The following RYR3 variants were observed in gnomAD, a reference collection of about 807,000 sequenced individuals.
RYR3 encodes the protein ryanodine receptor 3, also known as brain ryanodine receptor-calcium release channel.
A neutral mutation model predicts 584.3 loss-of-function variants in RYR3; 207 were observed. The observed-to-expected ratio is 0.35, with a 90% CI of 0.32 to 0.40. The LOEUF (loss-of-function observed/expected upper bound fraction) is 0.40. Among genes scored for constraint, RYR3 ranks in the 10% least tolerant of loss-of-function variants. RYR3 has a pLI of 1.00. For missense variants in RYR3, 5,616 were observed against 6,089.2 expected, an observed-to-expected ratio of 0.92 and a Z score of 2.59; for synonymous variants, 2,416 against 2,248.5, an observed-to-expected ratio of 1.07 and a Z score of -2.11.
At chr15:33,692,050 G>A (rs1047796818) in intron 38 of RYR3, among the ~76,000 whole-genome samples, 2 of 152,204 alleles carry the variant, frequency 1.3e-5, no homozygotes, top group African/African-American at 4.8e-5. Context: ...TGGTAGAGAT[G>A]TCAGTAATAG....
At chr15:33,636,898 A>C (rs2061530295) in intron 27 of RYR3, among the ~76,000 whole-genome samples, 2 of 152,248 alleles carry the variant, frequency 1.3e-5, no homozygotes, top group Admixed American at 1.3e-4. Context: ...GGAGAGAAAA[A>C]TCAGTGAATT....
rs1457526862 is a variant in RYR3 at position 33,670,667 on chromosome 15, G to A, written c.5860+111G>A. 5 of 1,090,434 alleles carry A rather than the reference G, an allele frequency of 4.6e-6. No homozygotes were observed. The East Asian group carries it at 1.4e-4, about 30-fold the overall frequency. 67.5% of individuals were successfully genotyped at this position (1,090,434 alleles called of 1,614,324 possible). Reference sequence around the variant, plus strand: ...TAGGGGCTGCTTAACTTCAAAGAAAGCATCTGGGCAGTATGTTATAATTGC... The same window carrying A: ...TAGGGGCTGCTTAACTTCAAAGAAAACATCTGGGCAGTATGTTATAATTGC... On this transcript the variant is annotated intron_variant, in intron 38 of 103. Transcript: ENST00000634891.
intron 50 of RYR3, 142 bp downstream of exon 50, chr15:33,738,732 C>T: frequency 1.1e-6 from 1 of 874,740 alleles, no homozygotes; most frequent in East Asian, 2.5e-5. Flanking sequence ...CAATCCTTGC[C>T]CATCTCTCTG....
chr15:33,600,430 A>G (rs1268184003), intron 16 of RYR3, among the ~76,000 whole-genome samples: 1 of 152,096 alleles, frequency 6.6e-6, no homozygotes, highest in Non-Finnish European at 1.5e-5. Flanking sequence ...AGCAGGAGGA[A>G]GAGAGCCTGA....
chr15:33,388,044 A>G (rs1301248045), intron 1 of RYR3, among the ~76,000 whole-genome samples: 6 of 152,230 alleles, frequency 3.9e-5, no homozygotes, highest in Non-Finnish European at 7.3e-5. Flanking sequence ...CATGATCTAC[A>G]GAGAAAACAC....
chr15:33,530,205 C>T (rs2054748499), intron 3 of RYR3, among the ~76,000 whole-genome samples: 3 of 152,348 alleles, frequency 2.0e-5, no homozygotes, highest in South Asian at 2.1e-4. Flanking sequence ...GCCACACTGC[C>T]TTTGTGTTGC....
chr15:33,312,224 C>T (rs772102101), intron 1 of RYR3, among the ~76,000 whole-genome samples: 60 of 152,166 alleles, frequency 3.9e-4, no homozygotes, highest in Non-Finnish European at 7.8e-4. Context: ...TTAAGGGTGC[C>T]CCCTTCTCCA....
chr15:33,857,273 G>A (rs1345287472), intron 98 of RYR3, among the ~76,000 whole-genome samples: 1 of 151,080 alleles, frequency 6.6e-6, no homozygotes, highest in Non-Finnish European at 1.5e-5. Context: ...GTCTCCTCAG[G>A]GGCCTCTCTG....
Position 33,721,323 on chromosome 15 carries a change from A to G in RYR3, c.6620-1392A>G, listed in dbSNP as rs2067890977. ...CCGGTCCCAGACAGGCCTTCGGAAG[A>G]CGGCAGCTGCCACCTCATGGGAGAT... is the stretch of plus-strand genomic sequence containing the variant. On this transcript the variant is annotated intron_variant, in intron 43 of 103. Coordinates refer to ENST00000634891, the MANE Select transcript of RYR3 (RefSeq NM_001036.6). Among the ~76,000 whole-genome samples, 10 of 152,180 alleles carry G rather than the reference A, an allele frequency of 6.6e-5. No homozygotes were observed. In the South Asian group the frequency reaches 2.1e-3, roughly 32 times the overall value.
At chr15:33,726,298 C>T (rs970062245) in intron 45 of RYR3, 88 bp from the exon 46 acceptor site, 3 of 1,471,642 alleles carry the variant, frequency 2.0e-6, no homozygotes, top group Non-Finnish European at 2.8e-6. Flanking sequence ...TGCCCTTAAG[C>T]CGTTTTACTG....
At chr15:33,580,969 T>C (rs1429840921) in intron 13 of RYR3, among the ~76,000 whole-genome samples, 1 of 150,384 alleles carries the variant, frequency 6.6e-6, no homozygotes, top group Non-Finnish European at 1.5e-5. Context: ...GGCATAGTAT[T>C]TCAAATTAGC....
intron 62 of RYR3, among the ~76,000 whole-genome samples, chr15:33,770,121 T>TAAAA (rs5811792): frequency 7.0e-6 from 1 of 143,598 alleles, no homozygotes; most frequent in Non-Finnish European, 1.5e-5. Flanking sequence ...ACCTCATCTT[T>TAAAA]AAAAAAAAAA....
At chr15:33,706,318 A>G (rs542848358) in intron 42 of RYR3, among the ~76,000 whole-genome samples, 2 of 152,324 alleles carry the variant, frequency 1.3e-5, no homozygotes, top group South Asian at 2.1e-4. Flanking sequence ...TGTCACCACC[A>G]TCTATCTCCA....
chr15:33,640,716 A>G (rs1389242227), intron 27 of RYR3, among the ~76,000 whole-genome samples: 1 of 152,208 alleles, frequency 6.6e-6, no homozygotes, highest in Non-Finnish European at 1.5e-5. Flanking sequence ...ATGTAAATGC[A>G]TATATTCTTG....
At position 33,557,055 on chromosome 15, in the gene RYR3, A is replaced by C. The variant is rs560822473; in HGVS notation, c.973-5782A>C. On this transcript the variant is annotated intron_variant, in intron 10 of 103. Coordinates refer to ENST00000634891, the MANE Select transcript of RYR3 (RefSeq NM_001036.6). ...TCATTAGTTAACTGTGCTACTGGTA[A>C]TGGTAACCATTCAGATATTCTGTTC... Among the ~76,000 whole-genome samples, 28 of 152,324 alleles carry C rather than the reference A, an allele frequency of 1.8e-4. No individual in the cohort carries two copies. In the East Asian group the frequency reaches 5.2e-3, roughly 28 times the overall value.
In RYR3 at chr15:33,438,667, G is replaced by A. The variant is rs75989897; in HGVS notation, c.52-34752G>A. Among the ~76,000 whole-genome samples the A allele has an allele frequency of 2.1e-3, 318 of 152,242 alleles. 7 individuals are homozygous for A. The East Asian group carries it at 0.054, about 26-fold the overall frequency. On this transcript the variant is annotated intron_variant, in intron 1 of 103. Coordinates refer to ENST00000634891, the MANE Select transcript of RYR3 (RefSeq NM_001036.6). ...GTATTGAATTTATAGATTAATTTGA[G>A]GATAACGGACATATTCACAATATCT... is the stretch of plus-strand genomic sequence containing the variant.
chr15:33,598,824 C>T (rs954171634), intron 16 of RYR3, among the ~76,000 whole-genome samples: 2 of 151,978 alleles, frequency 1.3e-5, no homozygotes, highest in South Asian at 4.2e-4. Context: ...GAGGCTGAGG[C>T]GGGTGGATCA....
rs1439048896 is a variant in RYR3 at position 33,550,270 on chromosome 15, C to T, written c.926C>T (p.Ala309Val). The T allele has an allele frequency of 4.3e-6, 7 of 1,613,458 alleles. No homozygotes were observed. The African/African-American group carries it at 9.3e-5, about 22-fold the overall frequency. ...CAAGGCCTTATACTGCAAGACCGGG[C>T]AAAGTCAGACACCAAGTCCACAGCT... ...EDQGLILQDR[A>V]KSDTKSTAFS... Residue 309 changes from alanine to valine, a missense_variant, in exon 10 of 104, where the codon GCA becomes GTA. Transcript: ENST00000634891.
At chr15:33,725,521 TG>T (rs1162807382) in intron 45 of RYR3, among the ~76,000 whole-genome samples, 1 of 152,080 alleles carries the variant, frequency 6.6e-6, no homozygotes, top group Non-Finnish European at 1.5e-5. Flanking sequence ...AGTGTCGGGG[TG>T]GATCGGGCTA....
Sources: allele counts gnomAD v4.1 joint callset (sites outside exome capture counted in the v4.1 genomes callset), GRCh38; gene constraint gnomAD v4.1.1; transcripts MANE v1.5; gene names NCBI Gene and HGNC (gene_info 2026-07-23, HGNC 2026-07-21).